The following CEP78 variants were observed in gnomAD, a reference collection of about 807,000 sequenced individuals.
CEP78 encodes centrosomal protein 78.
A neutral mutation model predicts 81.2 loss-of-function variants in CEP78; 76 were observed. That is an observed-to-expected ratio of 0.94 (90% CI 0.78 to 1.13). The LOEUF (loss-of-function observed/expected upper bound fraction) is 1.13. CEP78 is among the 50% of genes most tolerant of loss of function. The pLI is 0.00. For synonymous variants in CEP78, 293 were observed against 301.4 expected, an observed-to-expected ratio of 0.97 and a Z score of 0.29; for missense variants, 918 against 846.8, an observed-to-expected ratio of 1.08 and a Z score of -1.04.
Position 78,254,909 on chromosome 9 carries a change from C to A in CEP78, c.1325C>A (p.Ser442Ter), listed in dbSNP as rs1826944443. ...GAAGTTGAAGAGGTTGATGATTCTT[C>A]AGAGAGTGTTCATGAAGTGCCTGAG... is the stretch of plus-strand genomic sequence containing the variant. ...SSEVEEVDDS[S>*]ESVHEVPEKT... Residue 442 changes from serine to a stop codon, truncating the protein, a stop_gained, in exon 11 of 17, where the codon TCA becomes TAA. Coordinates refer to ENST00000643273, the MANE Select transcript of CEP78 (RefSeq NM_001330691.3). LOFTEE classifies it high-confidence loss of function. 6.2e-7 allele frequency: 1 copy of A among 1,611,332 alleles called. No individual in the cohort carries two copies. Among genetic ancestry groups the A allele is most frequent in the South Asian group, 1.1e-5 (1 of 90,950 alleles).
At position 78,278,906 on chromosome 9, in the gene CEP78, A is replaced by G. The variant is rs1297368074; in HGVS notation, c.*8055A>G. The G allele has an allele frequency of 1.3e-5, 2 of 152,178 alleles. No homozygotes were observed. The highest frequency in any genetic ancestry group is 2.4e-5 in the African/African-American group (1 of 41,428). 9.4% of individuals were successfully genotyped at this position (152,178 alleles called of 1,614,324 possible). On this transcript the variant is annotated 3_prime_UTR_variant, in exon 17 of 17. Coordinates refer to ENST00000643273, the MANE Select transcript of CEP78 (RefSeq NM_001330691.3). Reference sequence around the variant, plus strand: ...AGAATTTTCACATATAATTTGGTCAAAAAGTTAAAAAATAAGAAGACTTTG... The same window carrying G: ...AGAATTTTCACATATAATTTGGTCAGAAAGTTAAAAAATAAGAAGACTTTG...
chr9:78,256,524 ATTTTTTT>A (rs35059009), intron 11 of CEP78, among the ~76,000 whole-genome samples: 10 of 76,690 alleles, frequency 1.3e-4, no homozygotes, highest in African/African-American at 1.6e-4. Flanking sequence ...CTGCTCCCTT[ATTTTTTT>A]TTTTTTTTTT....
chr9:78,254,862 A>T lies in CEP78; in HGVS notation c.1278A>T (p.Thr426=), dbSNP rs370773351. The change falls in exon 11 of 17, where the codon ACA becomes ACT. Residue 426 remains threonine, a synonymous_variant. Transcript: ENST00000643273. ...AACCAGGTTTTCCTGTGACTGTGAC[A>T]GTAGAGAGTCCTTCATCCTCTGAAG... is the stretch of plus-strand genomic sequence containing the variant. The part of the protein sequence containing the change: ...LQQPGFPVTV[T]VESPSSSEVE... The T allele has an allele frequency of 2.5e-6, 4 of 1,611,200 alleles. No homozygotes were observed. The African/African-American group carries it at 5.3e-5, about 22-fold the overall frequency.
rs144429291 is a variant in CEP78 at position 78,268,658 on chromosome 9, T to C, written c.2107+1955T>C. On this transcript the variant is annotated intron_variant, in intron 16 of 16. Coordinates refer to ENST00000643273, the MANE Select transcript of CEP78 (RefSeq NM_001330691.3). The stretch of plus-strand genomic sequence containing the variant: ...AACATAAAGGAGACCCTCGCATAAA[T>C]AGAATTAAGCAGGTTTCTTTTCTTT... Among the ~76,000 whole-genome samples the C allele has an allele frequency of 3.1e-3, 477 of 151,516 alleles. 3 individuals are homozygous for C. Among genetic ancestry groups the C allele is most frequent in the East Asian group, 0.029 (151 of 5,162 alleles).
chr9:78,261,562 A>C (rs960418403), intron 11 of CEP78, among the ~76,000 whole-genome samples: 1 of 152,188 alleles, frequency 6.6e-6, no homozygotes, highest in African/African-American at 2.4e-5. Flanking sequence ...AGGAGTAATG[A>C]GGAGGGAACT....
chr9:78,278,362 A>G lies in CEP78; in HGVS notation c.*7511A>G, dbSNP rs989269914. On this transcript the variant is annotated 3_prime_UTR_variant, in exon 17 of 17. Transcript: ENST00000643273. ...TTCCTGAAGTGTTGGAGTCGCCTAC[A>G]TGGCATAGTCAAATGTTTTTAACTT... The G allele has an allele frequency of 6.6e-6, 1 of 152,210 alleles. No individual in the cohort carries two copies. The highest frequency in any genetic ancestry group is 1.9e-4 in the East Asian group (1 of 5,200). The allele number at this position is 152,210 out of a possible 1,614,324, so 9.4% of individuals were successfully genotyped here.
chr9:78,263,115 T>A, intron 12 of CEP78, 131 bp downstream of exon 12: 1 of 440,598 alleles, frequency 2.3e-6, no homozygotes, highest in South Asian at 5.0e-5. Context: ...TCACAGTATG[T>A]TAATGTTTGT....
chr9:78,265,657 T>TC (rs1827492630), intron 14 of CEP78, 114 bp downstream of exon 14: 1 of 991,604 alleles, frequency 1.0e-6, no homozygotes, highest in Admixed American at 2.8e-5. Context: ...ACCAGAAGCA[T>TC]CTTTGGGGTC....
intron 14 of CEP78, 106 bp downstream of exon 14, chr9:78,265,649 C>A: frequency 9.2e-7 from 1 of 1,090,394 alleles, no homozygotes; most frequent in Non-Finnish European, 1.3e-6. Context: ...GCTCAGGGAC[C>A]AGAAGCATCT....
chr9:78,260,984 C>T (rs905922432), intron 11 of CEP78, among the ~76,000 whole-genome samples: 16 of 152,028 alleles, frequency 1.1e-4, no homozygotes, highest in African/African-American at 3.4e-4. Context: ...TGGAGTCTCG[C>T]TCTGTTGCCA....
Position 78,266,479 on chromosome 9 carries a change from C to T in CEP78, c.1883C>T (p.Pro628Leu), listed in dbSNP as rs1193932301. The change falls in exon 16 of 17, where the codon CCT becomes CTT. Residue 628 changes from proline (P) to leucine (L), a missense_variant. Physicochemically the swap from Pro to Leu is moderately conservative, Grantham distance 98. Transcript: ENST00000643273. ...ACAGGTGATGCTAGAATTCCTTTGC[C>T]TCTCGACTCCTTTCCTGTCCCAGTT... ...KITGDARIPL[P>L]LDSFPVPVST... The T allele has an allele frequency of 6.2e-7, 1 of 1,611,562 alleles. No individual in the cohort carries two copies. The highest frequency in any genetic ancestry group is 1.3e-5 in the African/African-American group (1 of 74,958).
At chr9:78,263,463 A>C (rs147177603) in intron 12 of CEP78, among the ~76,000 whole-genome samples, 362 of 152,294 alleles carry the variant, frequency 2.4e-3, no homozygotes, top group Admixed American at 4.6e-3. Flanking sequence ...CATAAACTAG[A>C]AAGTTCTACA....
chr9:78,279,182 T>C lies in CEP78; in HGVS notation c.*8331T>C, dbSNP rs1827859401. On this transcript the variant is annotated 3_prime_UTR_variant, in exon 17 of 17. Coordinates refer to ENST00000643273, the MANE Select transcript of CEP78 (RefSeq NM_001330691.3). ...AGTGAAGATTAGTTGGTTTATTTAA[T>C]GTGTTAGAAAGATGGTCCTCAAAGT... 1 of 152,172 alleles carries C rather than the reference T, an allele frequency of 6.6e-6. No individual in the cohort carries two copies. Among genetic ancestry groups the C allele is most frequent in the Admixed American group, 6.5e-5 (1 of 15,284 alleles). The allele number at this position is 152,172 out of a possible 1,614,324, so 9.4% of individuals were successfully genotyped here.
rs1482069832 is a variant in CEP78 at position 78,277,387 on chromosome 9, A to ATATT, written c.*6536_*6537insTATT. 1 of 152,188 alleles carries ATATT rather than the reference A, an allele frequency of 6.6e-6. No homozygotes were observed. Among genetic ancestry groups the ATATT allele is most frequent in the African/African-American group, 2.4e-5 (1 of 41,460 alleles). The allele number at this position is 152,188 out of a possible 1,614,324, so 9.4% of individuals were successfully genotyped here. On this transcript the variant is annotated 3_prime_UTR_variant, in exon 17 of 17. Transcript: ENST00000643273. ...AAAGGAGTGGGAAAATACATGTAAT[A>ATATT]GAACAGAAGATTTAAGATAATATAA...
Position 78,277,693 on chromosome 9 carries a change from A to G in CEP78, c.*6842A>G, listed in dbSNP as rs1360935262. 2.0e-5 allele frequency: 3 copies of G among 152,220 alleles called. No individual in the cohort carries two copies. Among genetic ancestry groups the G allele is most frequent in the African/African-American group, 7.2e-5 (3 of 41,470 alleles). The allele number at this position is 152,220 out of a possible 1,614,324, so 9.4% of individuals were successfully genotyped here. A position where few individuals can be genotyped will look rare whatever the true frequency, so the allele number is the denominator to read the frequency against. Reference sequence around the variant, plus strand: ...GTGTATCAACATGTGAAATGTCTCCAGCCTTTGATCTAATGACTAATTTTA... The same window carrying G: ...GTGTATCAACATGTGAAATGTCTCCGGCCTTTGATCTAATGACTAATTTTA... On this transcript the variant is annotated 3_prime_UTR_variant, in exon 17 of 17. Transcript: ENST00000643273.
intron 16 of CEP78, among the ~76,000 whole-genome samples, chr9:78,270,511 A>G (rs888011180): frequency 3.9e-5 from 6 of 152,232 alleles, no homozygotes; most frequent in African/African-American, 4.8e-5. Flanking sequence ...TTACCAGCAC[A>G]TATACAATCT....
rs867174515 is a variant in CEP78 at position 78,279,421 on chromosome 9, G to A, written c.*8570G>A. 1.3e-5 allele frequency: 2 copies of A among 152,196 alleles called. No individual in the cohort carries two copies. Among genetic ancestry groups the A allele is most frequent in the African/African-American group, 4.8e-5 (2 of 41,442 alleles). The allele number at this position is 152,196 out of a possible 1,614,324, so 9.4% of individuals were successfully genotyped here. A position where few individuals can be genotyped will look rare whatever the true frequency, so the allele number is the denominator to read the frequency against. ...AGAATTGAGTTCCTTATTGTAACCAGATAGGAGACACTTTTGTATATTATT... is the reference window on the plus strand; with the variant it reads ...AGAATTGAGTTCCTTATTGTAACCAAATAGGAGACACTTTTGTATATTATT... On this transcript the variant is annotated 3_prime_UTR_variant, in exon 17 of 17. Coordinates refer to ENST00000643273, the MANE Select transcript of CEP78 (RefSeq NM_001330691.3).
chr9:78,242,999 A>T (rs1243186330), intron 4 of CEP78, among the ~76,000 whole-genome samples: 1 of 152,180 alleles, frequency 6.6e-6, no homozygotes, highest in Non-Finnish European at 1.5e-5. Flanking sequence ...TAATATACAT[A>T]AAATATGTAT....
chr9:78,265,288 T>C (rs1206410309), intron 13 of CEP78, 84 bp from the exon 14 acceptor site: 4 of 1,088,376 alleles, frequency 3.7e-6, no homozygotes, highest in African/African-American at 3.2e-5. Context: ...AAGTATTTAA[T>C]GATTGTAGGT....
Sources: allele counts gnomAD v4.1 joint callset (sites outside exome capture counted in the v4.1 genomes callset), GRCh38; gene constraint gnomAD v4.1.1; transcripts MANE v1.5; gene names NCBI Gene and HGNC (gene_info 2026-07-23, HGNC 2026-07-21).